Variants in ARHGAP15 observed in about 807,000 individuals in gnomAD.
The protein encoded by ARHGAP15 is Rho GTPase activating protein 15.
A neutral mutation model predicts 63.7 loss-of-function variants in ARHGAP15; 51 were observed. That is an observed-to-expected ratio of 0.80 (90% CI 0.64 to 1.01). The LOEUF (loss-of-function observed/expected upper bound fraction) is 1.01. ARHGAP15 is among the 50% of genes least tolerant of loss of function. The probability of loss-of-function intolerance (pLI) is 0.00; values close to 1 mark genes in which losing one functional copy is unlikely to be tolerated. For missense variants in ARHGAP15, 560 were observed against 564.6 expected, an observed-to-expected ratio of 0.99 and a Z score of 0.08; for synonymous variants, 191 against 193.8, an observed-to-expected ratio of 0.99 and a Z score of 0.12.
intron 6 of ARHGAP15, among the ~76,000 whole-genome samples, chr2:143,268,587 A>G (rs1020220827): frequency 1.3e-5 from 2 of 152,180 alleles, no homozygotes; most frequent in African/African-American, 2.4e-5. Flanking sequence ...GTACTAGTTT[A>G]TTTTTAAAAA....
chr2:143,433,110 G>A (rs2105083082), intron 6 of ARHGAP15, among the ~76,000 whole-genome samples: 2 of 152,114 alleles, frequency 1.3e-5, no homozygotes, highest in East Asian at 3.9e-4. Context: ...CCCCAAGAGT[G>A]TTGGAAATTC....
chr2:143,369,640 T>C (rs1463477061), intron 6 of ARHGAP15, among the ~76,000 whole-genome samples: 2 of 152,140 alleles, frequency 1.3e-5, no homozygotes, highest in African/African-American at 4.8e-5. Flanking sequence ...GAATTTGCCA[T>C]AGATAATGCA....
chr2:143,628,513 A>AC (rs1270051593), intron 12 of ARHGAP15, among the ~76,000 whole-genome samples: 1 of 152,064 alleles, frequency 6.6e-6, no homozygotes, highest in East Asian at 1.9e-4. Context: ...TTTATCCCCA[A>AC]CCCGTTCACC....
intron 8 of ARHGAP15, among the ~76,000 whole-genome samples, chr2:143,472,205 C>G (rs542806333): frequency 5.4e-4 from 82 of 152,126 alleles, no homozygotes; most frequent in Non-Finnish European, 1.0e-3. Flanking sequence ...ATCAGACCTC[C>G]TGCCATTTCT....
chr2:143,131,187 A>G (rs1308286675), intron 1 of ARHGAP15, among the ~76,000 whole-genome samples: 1 of 152,196 alleles, frequency 6.6e-6, no homozygotes, highest in Non-Finnish European at 1.5e-5. Flanking sequence ...CTTGATATGA[A>G]TTTAGAAAGA....
chr2:143,645,193 G>T (rs1449752661), intron 12 of ARHGAP15, among the ~76,000 whole-genome samples: 1 of 151,984 alleles, frequency 6.6e-6, no homozygotes, highest in Non-Finnish European at 1.5e-5. Context: ...CAAGCCAAAA[G>T]ATATCTTTAA....
intron 12 of ARHGAP15, among the ~76,000 whole-genome samples, chr2:143,680,507 C>G (rs1427503109): frequency 6.6e-6 from 1 of 152,186 alleles, no homozygotes; most frequent in Non-Finnish European, 1.5e-5. Flanking sequence ...AGAAATCCTT[C>G]TAAATGGTGG....
At chr2:143,317,824 C>T (rs1024054608) in intron 6 of ARHGAP15, among the ~76,000 whole-genome samples, 6 of 152,098 alleles carry the variant, frequency 3.9e-5, no homozygotes, top group South Asian at 2.1e-4. Context: ...TCATCCGAAG[C>T]GGAAAGAATA....
At chr2:143,378,734 GA>G (rs1420184964) in intron 6 of ARHGAP15, among the ~76,000 whole-genome samples, 1 of 151,990 alleles carries the variant, frequency 6.6e-6, no homozygotes, top group African/African-American at 2.4e-5. Context: ...AGAGATTCTA[GA>G]AAGAGAAGAA....
At chr2:143,309,921 T>A (rs1683360417) in intron 6 of ARHGAP15, among the ~76,000 whole-genome samples, 1 of 151,808 alleles carries the variant, frequency 6.6e-6, no homozygotes. Context: ...TGATAGATAA[T>A]AGCTTTGTTG....
chr2:143,630,476 C>T (rs984533258), intron 12 of ARHGAP15, among the ~76,000 whole-genome samples: 4 of 152,034 alleles, frequency 2.6e-5, no homozygotes, highest in African/African-American at 9.7e-5. Context: ...CACATCATAT[C>T]CCCTGACCTA....
chr2:143,141,556 G>A (rs1416333316), intron 1 of ARHGAP15, among the ~76,000 whole-genome samples: 1 of 152,120 alleles, frequency 6.6e-6, no homozygotes, highest in Non-Finnish European at 1.5e-5. Context: ...GCAGAGAAAA[G>A]AGAGGGAGGA....
chr2:143,130,741 T>A (rs536806088), intron 1 of ARHGAP15, among the ~76,000 whole-genome samples: 2 of 152,280 alleles, frequency 1.3e-5, no homozygotes, highest in South Asian at 4.1e-4. Flanking sequence ...GTTCAATACA[T>A]TTTTTATTGT....
chr2:143,685,621 G>A (rs191764639), intron 12 of ARHGAP15, among the ~76,000 whole-genome samples: 1 of 152,258 alleles, frequency 6.6e-6, no homozygotes, highest in African/African-American at 2.4e-5. Context: ...GATACAGAGC[G>A]CTTGACAGGT....
At chr2:143,474,039 C>T (rs1300084795) in intron 8 of ARHGAP15, among the ~76,000 whole-genome samples, 1 of 152,150 alleles carries the variant, frequency 6.6e-6, no homozygotes, top group Non-Finnish European at 1.5e-5. Context: ...TTTTCCCATC[C>T]ATAGCTCAAT....
chr2:143,446,785 C>T (rs141105465), intron 8 of ARHGAP15, among the ~76,000 whole-genome samples: 7,761 of 129,410 alleles, frequency 0.06, 354 homozygotes, highest in East Asian at 0.23. Context: ...CCCCTCCCCC[C>T]ACCCCACAAC....
chr2:143,262,111 A>G (rs1680752256), intron 6 of ARHGAP15, among the ~76,000 whole-genome samples: 2 of 152,182 alleles, frequency 1.3e-5, no homozygotes, highest in Non-Finnish European at 2.9e-5. Flanking sequence ...TGCTGAGGCA[A>G]GATGCAGTCA....
intron 13 of ARHGAP15, 24 bp downstream of exon 13, chr2:143,703,548 G>C (rs752779329): frequency 2.6e-5 from 40 of 1,555,540 alleles, no homozygotes; most frequent in Non-Finnish European, 3.5e-5. Context: ...ATTTCTGGAT[G>C]TGTCATTTTA....
At chr2:143,280,588 G>T (rs1045420336) in intron 6 of ARHGAP15, among the ~76,000 whole-genome samples, 1 of 152,158 alleles carries the variant, frequency 6.6e-6, no homozygotes, top group Non-Finnish European at 1.5e-5. Context: ...AGAGAAGGCA[G>T]AAATGGTTTT....
Sources: gnomAD v4.1 joint callset for allele counts (sites outside exome capture counted in the v4.1 genomes callset) on GRCh38, gnomAD v4.1.1 for gene constraint, MANE v1.5 for transcripts, NCBI Gene and HGNC (gene_info 2026-07-23, HGNC 2026-07-21) for gene names.